Variants in CELF4 observed in about 807,000 individuals in gnomAD.
CELF4 encodes the protein CUG-BP- and ETR-3-like factor 4.
A neutral mutation model predicts 59.9 loss-of-function variants in CELF4; 18 were observed. The ratio of observed to expected loss-of-function variants is 0.30; its 90% CI spans 0.21 to 0.45. The LOEUF is 0.45. CELF4 is among the 20% of genes least tolerant of loss of function. CELF4 has a pLI of 1.00. For synonymous variants in CELF4, 261 were observed against 267.1 expected (o/e 0.98, Z 0.22); for missense variants, 456 against 689.0 (o/e 0.66, Z 3.79).
intron 1 of CELF4, among the ~76,000 whole-genome samples, chr18:37,505,441 A>T (rs2099936698): frequency 6.6e-6 from 1 of 152,176 alleles, no homozygotes; most frequent in Non-Finnish European, 1.5e-5. Context: ...CCTAGAGGGG[A>T]ACATGGGAAT....
At chr18:37,501,763 C>A (rs757388555) in intron 1 of CELF4, among the ~76,000 whole-genome samples, 2 of 152,174 alleles carry the variant, frequency 1.3e-5, no homozygotes, top group African/African-American at 2.4e-5. Context: ...TTGGAGTGAA[C>A]AAGTTATGTG....
intron 9 of CELF4, among the ~76,000 whole-genome samples, chr18:37,265,586 G>T (rs1020419732): frequency 6.6e-6 from 1 of 152,176 alleles, no homozygotes; most frequent in African/African-American, 2.4e-5. Context: ...CAGGGGCAGA[G>T]GACTGAGTTG....
chr18:37,381,657 G>A (rs545929097), intron 2 of CELF4, among the ~76,000 whole-genome samples: 4 of 152,246 alleles, frequency 2.6e-5, no homozygotes, highest in South Asian at 2.1e-4. Flanking sequence ...GCCAGGACTC[G>A]GATGCTGGAG....
intron 2 of CELF4, among the ~76,000 whole-genome samples, chr18:37,375,023 G>A (rs538646252): frequency 7.9e-5 from 12 of 152,338 alleles, no homozygotes; most frequent in African/African-American, 2.4e-4. Context: ...TGTCTGGCCT[G>A]TGATGTGTGT....
chr18:37,467,784 G>A (rs1449217024), intron 2 of CELF4, among the ~76,000 whole-genome samples: 1 of 152,208 alleles, frequency 6.6e-6, no homozygotes, highest in East Asian at 1.9e-4. Flanking sequence ...ATCTTCAGCT[G>A]TCCCTAAAGA....
In CELF4 at chr18:37,246,773, G is replaced by GA. The variant is rs1356599552; in HGVS notation, c.*45-1577dup. On this transcript the variant is annotated intron_variant, in intron 12 of 12. Transcript: ENST00000420428. The surrounding 1 kb of genome is among the most constrained non-coding windows in gnomAD (Gnocchi z 5.3). ...TTTAAGATGTTTTCCTTATTTTTAA[G>GA]AAAAAAATAATGGTTTGCACAGGTA... is the stretch of plus-strand genomic sequence containing the variant. 5 of 152,084 alleles carry GA rather than the reference G, an allele frequency of 3.3e-5. No homozygotes were observed. In the South Asian group the frequency reaches 8.3e-4, roughly 25 times the overall value. 9.4% of individuals were successfully genotyped at this position (152,084 alleles called of 1,614,324 possible). A position where few individuals can be genotyped will look rare whatever the true frequency, so the allele number is the denominator to read the frequency against.
intron 1 of CELF4, among the ~76,000 whole-genome samples, chr18:37,517,582 C>G (rs2099952182): frequency 6.6e-6 from 1 of 152,280 alleles, no homozygotes; most frequent in South Asian, 2.1e-4. Context: ...CCAACCAGAA[C>G]AGTTGGTCGC....
intron 2 of CELF4, among the ~76,000 whole-genome samples, chr18:37,376,283 G>A (rs772356957): frequency 1.3e-5 from 2 of 152,032 alleles, no homozygotes; most frequent in African/African-American, 4.8e-5. Context: ...ACCTTCCTCT[G>A]GCTTCCTATC....
intron 2 of CELF4, among the ~76,000 whole-genome samples, chr18:37,385,305 A>T (rs1219863989): frequency 6.7e-6 from 1 of 149,318 alleles, no homozygotes; most frequent in Non-Finnish European, 1.5e-5. Context: ...CAGTGAGTGG[A>T]GATCAAACTG....
At chr18:37,384,544 A>G (rs1407512830) in intron 2 of CELF4, among the ~76,000 whole-genome samples, 2 of 151,812 alleles carry the variant, frequency 1.3e-5, no homozygotes, top group African/African-American at 4.8e-5. Flanking sequence ...TTCAGAATGT[A>G]ATGTAGACAC....
intron 3 of CELF4, chr18:37,306,280 C>G (rs193241999): frequency 2.0e-5 from 3 of 152,404 alleles, no homozygotes; most frequent in Admixed American, 2.0e-4. Flanking sequence ...ATCTGCCTTC[C>G]GGCAAAGCAG....
At chr18:37,463,448 G>A (rs1008908662) in intron 2 of CELF4, among the ~76,000 whole-genome samples, 7 of 152,308 alleles carry the variant, frequency 4.6e-5, no homozygotes, top group East Asian at 3.9e-4. Context: ...ACCAAACCCC[G>A]TGATCAACTT....
chr18:37,289,385 A>G (rs2095137316), intron 3 of CELF4, among the ~76,000 whole-genome samples: 1 of 152,148 alleles, frequency 6.6e-6, no homozygotes, highest in Non-Finnish European at 1.5e-5. Context: ...AGTGCTCCAG[A>G]ATTGTATTTT....
At chr18:37,391,066 C>T (rs2099156011) in intron 2 of CELF4, among the ~76,000 whole-genome samples, 1 of 152,086 alleles carries the variant, frequency 6.6e-6, no homozygotes, top group African/African-American at 2.4e-5. Flanking sequence ...TCTCGTTTGG[C>T]CGGCCTGAGG....
chr18:37,332,709 C>G (rs1311433347), intron 2 of CELF4, among the ~76,000 whole-genome samples: 1 of 152,196 alleles, frequency 6.6e-6, no homozygotes, highest in Non-Finnish European at 1.5e-5. Context: ...GGGTTTGGAG[C>G]CATATTTATG....
At chr18:37,428,294 G>T (rs2099626671) in intron 2 of CELF4, among the ~76,000 whole-genome samples, 1 of 152,148 alleles carries the variant, frequency 6.6e-6, no homozygotes, top group Non-Finnish European at 1.5e-5. Flanking sequence ...GGAATGCATG[G>T]AGAGGTGAAG....
chr18:37,353,062 A>C (rs568520057), intron 2 of CELF4, among the ~76,000 whole-genome samples: 2 of 152,004 alleles, frequency 1.3e-5, no homozygotes, highest in South Asian at 2.1e-4. Context: ...TCTACTAAAA[A>C]TACAAAAAAT....
At chr18:37,367,295 G>T (rs953967202) in intron 2 of CELF4, among the ~76,000 whole-genome samples, 2 of 151,998 alleles carry the variant, frequency 1.3e-5, no homozygotes, top group Admixed American at 6.5e-5. Flanking sequence ...AAGAGAGGGG[G>T]TGGGAAGGAT....
intron 2 of CELF4, among the ~76,000 whole-genome samples, chr18:37,445,037 G>A (rs899692996): frequency 2.0e-5 from 3 of 152,184 alleles, no homozygotes; most frequent in Non-Finnish European, 2.9e-5. Context: ...GGAGGAGGGG[G>A]CATGTAACTG....
Sources: allele counts gnomAD v4.1 joint callset (sites outside exome capture counted in the v4.1 genomes callset), GRCh38; gene constraint gnomAD v4.1.1; non-coding constraint Gnocchi (gnomAD v3.1); transcripts MANE v1.5; gene names NCBI Gene and HGNC (gene_info 2026-07-23, HGNC 2026-07-21).